Variants in VPS53 observed in about 807,000 individuals in gnomAD.
VPS53 encodes the protein VPS53 subunit of GARP complex, also known as vacuolar protein sorting-associated protein 53 homolog.
In VPS53, 70 loss-of-function variants were observed where a neutral mutation model predicts 107.0. The observed-to-expected ratio is 0.65, with a 90% CI of 0.54 to 0.80. The LOEUF is 0.80. Ranked by LOEUF, VPS53 falls within the 30% of genes least tolerant of loss-of-function variation. The pLI is 0.00. For synonymous variants in VPS53, 409 were observed against 393.3 expected (o/e 1.04, Z -0.47); for missense variants, 917 against 1,049.4 (o/e 0.87, Z 1.74).
chr17:714,682 C>T lies in VPS53; in HGVS notation c.28G>A (p.Val10Met). Residue 10 changes from valine to methionine, a missense_variant, in exon 1 of 22, where the codon GTG becomes ATG. Coordinates refer to ENST00000437048, the MANE Select transcript of VPS53 (RefSeq NM_001128159.3). Reference protein sequence around the residue: MMEEEELEFVEELEAVLQLT... With the variant: MMEEEELEFMEELEAVLQLT... Reference sequence around the variant, plus strand: ...TGCAGCACGGCTTCCAGCTCCTCCACGAACTCCAGTTCCTCCTCCTCCATC... The same window carrying T: ...TGCAGCACGGCTTCCAGCTCCTCCATGAACTCCAGTTCCTCCTCCTCCATC... 19 of 1,613,668 alleles carry T rather than the reference C, an allele frequency of 1.2e-5. No individual in the cohort carries two copies. Among genetic ancestry groups the T allele is most frequent in the Non-Finnish European group, 1.6e-5 (19 of 1,179,806 alleles).
At chr17:602,609 T>A (rs1968379638) in intron 11 of VPS53, among the ~76,000 whole-genome samples, 2 of 152,312 alleles carry the variant, frequency 1.3e-5, no homozygotes, top group Middle Eastern at 6.8e-3. Flanking sequence ...GGAGGCATGG[T>A]AGCTGTAGCT....
intron 4 of VPS53, among the ~76,000 whole-genome samples, chr17:682,538 G>A (rs73976857): frequency 0.036 from 5,502 of 152,158 alleles, 134 homozygotes; most frequent in East Asian, 0.069. Flanking sequence ...CTGAAGGAAA[G>A]TTTTTAACAA....
chr17:575,619 C>T (rs1253041312), intron 13 of VPS53, among the ~76,000 whole-genome samples: 1 of 151,596 alleles, frequency 6.6e-6, no homozygotes, highest in East Asian at 2.0e-4. Context: ...AGAGAACTTC[C>T]CTCAGAACCT....
intron 13 of VPS53, among the ~76,000 whole-genome samples, chr17:583,393 C>T (rs1056913646): frequency 5.3e-5 from 8 of 151,782 alleles, no homozygotes; most frequent in African/African-American, 1.9e-4. Context: ...TAATGCGTTC[C>T]CAGAGAACTT....
At chr17:602,510 G>T (rs1968375324) in intron 11 of VPS53, among the ~76,000 whole-genome samples, 1 of 152,192 alleles carries the variant, frequency 6.6e-6, no homozygotes. Flanking sequence ...ATCTCCTTGA[G>T]AAAATCGACT....
chr17:623,718 T>G (rs778834673), intron 10 of VPS53, 44 bp from the exon 11 acceptor site: 5 of 1,577,666 alleles, frequency 3.2e-6, no homozygotes, highest in Non-Finnish European at 4.3e-6. Flanking sequence ...AAGCTGATCA[T>G]TCATTCAGTA....
chr17:682,670 A>G (rs545363585), intron 4 of VPS53, among the ~76,000 whole-genome samples: 1 of 152,294 alleles, frequency 6.6e-6, no homozygotes, highest in Admixed American at 6.5e-5. Flanking sequence ...TTCATGAGGA[A>G]AAAATGGGGG....
intron 2 of VPS53, among the ~76,000 whole-genome samples, chr17:708,824 G>C (rs1423377784): frequency 6.6e-6 from 1 of 152,166 alleles, no homozygotes; most frequent in Non-Finnish European, 1.5e-5. Flanking sequence ...TAATACTAAA[G>C]ACTAATGATT....
At chr17:555,576 C>A (rs181475303) in intron 15 of VPS53, among the ~76,000 whole-genome samples, 16 of 152,272 alleles carry the variant, frequency 1.1e-4, no homozygotes, top group Admixed American at 1.0e-3. Flanking sequence ...CTCAGGTGAT[C>A]CACCCACCTC....
At chr17:611,139 G>A (rs575657851) in intron 11 of VPS53, among the ~76,000 whole-genome samples, 378 of 151,952 alleles carry the variant, frequency 2.5e-3, no homozygotes, top group Admixed American at 4.1e-3. Flanking sequence ...TCAGCCTCCC[G>A]AGTAGCTGGG....
At chr17:693,599 T>C (rs765280543) in intron 4 of VPS53, among the ~76,000 whole-genome samples, 4 of 152,192 alleles carry the variant, frequency 2.6e-5, no homozygotes, top group Non-Finnish European at 4.4e-5. Flanking sequence ...CTGTGTGTGG[T>C]GGCACATGCC....
chr17:664,288 C>T (rs1971589218), intron 4 of VPS53, among the ~76,000 whole-genome samples: 2 of 152,066 alleles, frequency 1.3e-5, no homozygotes. Flanking sequence ...CCGTGTTGGC[C>T]AGGATGGTCT....
At chr17:661,287 C>T (rs1008564504) in intron 5 of VPS53, among the ~76,000 whole-genome samples, 16 of 151,860 alleles carry the variant, frequency 1.1e-4, no homozygotes, top group Admixed American at 2.6e-4. Flanking sequence ...TTTGGGAGGC[C>T]GAGGCGGGCG....
chr17:531,685 T>G (rs903891398), intron 19 of VPS53, among the ~76,000 whole-genome samples: 1 of 151,704 alleles, frequency 6.6e-6, no homozygotes, highest in Non-Finnish European at 1.5e-5. Context: ...TTTTGAGAGA[T>G]AGGGTTGCAC....
intron 13 of VPS53, among the ~76,000 whole-genome samples, chr17:566,098 G>A (rs1245415428): frequency 6.6e-6 from 1 of 150,486 alleles, no homozygotes; most frequent in African/African-American, 2.4e-5. Context: ...CAGCTACTTG[G>A]GAGGCTGAGG....
chr17:591,924 T>C (rs1218756482), intron 12 of VPS53, among the ~76,000 whole-genome samples: 1 of 152,188 alleles, frequency 6.6e-6, no homozygotes, highest in Non-Finnish European at 1.5e-5. Flanking sequence ...GGTGCAGAGC[T>C]GAGTTCCATT....
chr17:569,270 A>G (rs559771737), intron 13 of VPS53, among the ~76,000 whole-genome samples: 5 of 152,316 alleles, frequency 3.3e-5, no homozygotes, highest in East Asian at 3.9e-4. Context: ...AAAAACAGAC[A>G]CTAATGGAAA....
chr17:551,335 G>A (rs1036041136), intron 17 of VPS53, among the ~76,000 whole-genome samples: 2 of 152,146 alleles, frequency 1.3e-5, no homozygotes, highest in Non-Finnish European at 2.9e-5. Flanking sequence ...GGGAGGACTC[G>A]GTGGGAAGAC....
chr17:557,353 C>A (rs1157849792), intron 15 of VPS53, among the ~76,000 whole-genome samples: 1 of 152,170 alleles, frequency 6.6e-6, no homozygotes, highest in African/African-American at 2.4e-5. Context: ...AGGCCCCCCA[C>A]CAATCCTAAA....
Sources: gnomAD v4.1 joint callset for allele counts (sites outside exome capture counted in the v4.1 genomes callset) on GRCh38, gnomAD v4.1.1 for gene constraint, MANE v1.5 for transcripts, NCBI Gene and HGNC (gene_info 2026-07-23, HGNC 2026-07-21) for gene names.